Variants in SNTB1 observed in about 807,000 individuals in gnomAD.
SNTB1 encodes the protein syntrophin beta 1, also known as beta-1-syntrophin.
Under a neutral mutation model 48.9 loss-of-function variants are expected in SNTB1, and 36 were observed. The ratio of observed to expected loss-of-function variants is 0.74; its 90% CI spans 0.56 to 0.97. The LOEUF (loss-of-function observed/expected upper bound fraction) is 0.97. Ranked by LOEUF, SNTB1 falls within the 50% of genes least tolerant of loss-of-function variation. The probability of loss-of-function intolerance (pLI) is 0.00; values close to 1 mark genes in which losing one functional copy is unlikely to be tolerated. For missense variants in SNTB1, 786 were observed against 703.4 expected, an observed-to-expected ratio of 1.12 and a Z score of -1.33; for synonymous variants, 299 against 294.6, an observed-to-expected ratio of 1.01 and a Z score of -0.15.
At chr8:120,670,171 A>C (rs879342896) in intron 2 of SNTB1, among the ~76,000 whole-genome samples, 1 of 152,224 alleles carries the variant, frequency 6.6e-6, no homozygotes, top group Non-Finnish European at 1.5e-5. Flanking sequence ...TTCAGCATGG[A>C]TAACAAGAAG....
At chr8:120,755,301 T>C (rs949508572) in intron 1 of SNTB1, among the ~76,000 whole-genome samples, 6 of 151,982 alleles carry the variant, frequency 3.9e-5, no homozygotes, top group Non-Finnish European at 2.9e-5. Flanking sequence ...TAGATTGAAC[T>C]AAACACTAAC....
rs373685638 is a variant in SNTB1, at chr8:120,658,833, C to T, written c.789-26182G>A. Among the ~76,000 whole-genome samples the T allele has an allele frequency of 7.9e-5, 12 of 152,204 alleles. No individual in the cohort carries two copies. In the South Asian group the frequency reaches 1.5e-3, roughly 18 times the overall value. On this transcript the variant is annotated intron_variant, in intron 2 of 6. Coordinates refer to ENST00000517992, the MANE Select transcript of SNTB1 (RefSeq NM_021021.4). ...TGCCACATCAATTGACTCTTCTTTT[C>T]GCAAAATATTTCTTTGCAGCATGTG...
At chr8:120,548,679 GA>G (rs1481770552) in intron 5 of SNTB1, 82 bp downstream of exon 5, 1 of 1,310,320 alleles carries the variant, frequency 7.6e-7, no homozygotes, top group Non-Finnish European at 1.1e-6. Flanking sequence ...GGCCAGTGAT[GA>G]AAACTACTTT....
At chr8:120,643,312 T>C (rs1253766320) in intron 2 of SNTB1, among the ~76,000 whole-genome samples, 2 of 152,210 alleles carry the variant, frequency 1.3e-5, no homozygotes, top group Non-Finnish European at 2.9e-5. Flanking sequence ...AACAGGTGGT[T>C]TTTGGTTACA....
intron 1 of SNTB1, among the ~76,000 whole-genome samples, chr8:120,727,554 C>T (rs1357665500): frequency 6.6e-6 from 1 of 152,164 alleles, no homozygotes; most frequent in African/African-American, 2.4e-5. Flanking sequence ...AATAGTAATA[C>T]TCCATAAATG....
intron 1 of SNTB1, among the ~76,000 whole-genome samples, chr8:120,697,139 T>A (rs1372602076): frequency 1.3e-5 from 2 of 152,218 alleles, no homozygotes; most frequent in African/African-American, 4.8e-5. Context: ...TAGCCATTCC[T>A]GGGAAGAAGC....
At chr8:120,703,242 A>G (rs1818333405) in intron 1 of SNTB1, among the ~76,000 whole-genome samples, 1 of 152,212 alleles carries the variant, frequency 6.6e-6, no homozygotes, top group South Asian at 2.1e-4. Context: ...CTCCTGCCTC[A>G]GTCTCCTGAG....
chr8:120,637,708 G>T, intron 2 of SNTB1: 1 of 442,724 alleles, frequency 2.3e-6, no homozygotes, highest in Non-Finnish European at 4.4e-6. Flanking sequence ...CTGCACTTAT[G>T]CCTGTTGAAA....
chr8:120,551,288 A>T (rs1265345494), intron 4 of SNTB1, among the ~76,000 whole-genome samples: 1 of 151,196 alleles, frequency 6.6e-6, no homozygotes, highest in Non-Finnish European at 1.5e-5. Context: ...TAAATAGGTC[A>T]TGTGAGGTGC....
chr8:120,563,419 C>G lies in SNTB1; in HGVS notation c.1136+11667G>C, dbSNP rs139180786. Among the ~76,000 whole-genome samples the G allele has an allele frequency of 8.0e-3, 1,212 of 152,034 alleles. 18 individuals are homozygous for G. Among genetic ancestry groups the G allele is most frequent in the African/African-American group, 0.028 (1,166 of 41,462 alleles). ...ACAACTTGTTTGCAAACTTCCTGAG[C>G]GCACTGCTATAAACTGTACCACCAA... On this transcript the variant is annotated intron_variant, in intron 4 of 6. Transcript: ENST00000517992.
At chr8:120,808,841 G>A (rs1820381651) in intron 1 of SNTB1, among the ~76,000 whole-genome samples, 1 of 152,188 alleles carries the variant, frequency 6.6e-6, no homozygotes, top group East Asian at 1.9e-4. Flanking sequence ...GGTGGTTGGA[G>A]TACTAAACTA....
chr8:120,772,159 G>A (rs1164378932), intron 1 of SNTB1, among the ~76,000 whole-genome samples: 1 of 151,810 alleles, frequency 6.6e-6, no homozygotes, highest in African/African-American at 2.4e-5. Context: ...ATGAGCCACT[G>A]CACCGACCTG....
intron 2 of SNTB1, among the ~76,000 whole-genome samples, chr8:120,653,256 G>T (rs1372732278): frequency 1.3e-5 from 2 of 152,148 alleles, no homozygotes; most frequent in Non-Finnish European, 2.9e-5. Context: ...TCCACCCAGT[G>T]TATTAGGGTG....
chr8:120,693,796 G>T lies in SNTB1; in HGVS notation c.684C>A (p.Asp228Glu), dbSNP rs58509927. The T allele has an allele frequency of 1.4e-5, 23 of 1,614,032 alleles. No individual in the cohort carries two copies. The highest frequency in any genetic ancestry group is 5.3e-5 in the African/African-American group (4 of 74,912). ...AGGAGAAGGACTGCGATGACGGGGG[G>T]TCTGAGGTGCTGCCCCCTAACCGAG... The part of the protein sequence containing the change: ...ESPRLGGSTS[D>E]PPSSQSFSFH... Residue 228 changes from aspartate (D) to glutamate (E), a missense_variant, in exon 2 of 7, where the codon GAC becomes GAA. Transcript: ENST00000517992.
chr8:120,544,555 T>C (rs1815345826), intron 5 of SNTB1, among the ~76,000 whole-genome samples: 1 of 152,184 alleles, frequency 6.6e-6, no homozygotes, highest in South Asian at 2.1e-4. Flanking sequence ...CTCCACTGAT[T>C]AGTCTATCAA....
rs192932380 is a variant in SNTB1 at position 120,679,406 on chromosome 8, C to A, written c.788+14286G>T. On this transcript the variant is annotated intron_variant, in intron 2 of 6. Transcript: ENST00000517992. Reference sequence around the variant, plus strand: ...CCAAAAGCCTAAACCTTTCCTCCACCTACCTCTGCCCTCCATCAAGACATA... The same window carrying A: ...CCAAAAGCCTAAACCTTTCCTCCACATACCTCTGCCCTCCATCAAGACATA... Among the ~76,000 whole-genome samples the A allele has an allele frequency of 5.2e-3, 787 of 152,328 alleles. 3 individuals are homozygous for A. The highest frequency in any genetic ancestry group is 0.018 in the African/African-American group (734 of 41,586).
chr8:120,716,119 T>C (rs888392348), intron 1 of SNTB1, among the ~76,000 whole-genome samples: 2 of 152,204 alleles, frequency 1.3e-5, no homozygotes, highest in Non-Finnish European at 2.9e-5. Context: ...ATCCCGGTCG[T>C]TTTAGGGCTG....
chr8:120,556,468 T>C (rs900455968), intron 4 of SNTB1, among the ~76,000 whole-genome samples: 1 of 152,240 alleles, frequency 6.6e-6, no homozygotes, highest in Non-Finnish European at 1.5e-5. Context: ...ATTAAGGTGT[T>C]GGAAATAATA....
intron 3 of SNTB1, among the ~76,000 whole-genome samples, chr8:120,605,733 A>G (rs1816502881): frequency 6.6e-6 from 1 of 152,176 alleles, no homozygotes. Flanking sequence ...CCAGTGTAAT[A>G]TTAGTGTGAG....
Sources: allele counts gnomAD v4.1 joint callset (sites outside exome capture counted in the v4.1 genomes callset), GRCh38; gene constraint gnomAD v4.1.1; transcripts MANE v1.5; gene names NCBI Gene and HGNC (gene_info 2026-07-23, HGNC 2026-07-21).